Variants in PLA2G4E observed in about 807,000 individuals in gnomAD.
The protein encoded by PLA2G4E is cytosolic phospholipase A2 epsilon.
PLA2G4E carries 84 observed loss-of-function variants against 109.1 expected under a neutral mutation model. The ratio of observed to expected loss-of-function variants is 0.77; its 90% CI spans 0.65 to 0.92. PLA2G4E has a LOEUF of 0.92. Among genes scored for constraint, PLA2G4E ranks in the 40% least tolerant of loss-of-function variants. PLA2G4E has a pLI of 0.00. For missense variants in PLA2G4E, 1,057 were observed against 1,076.6 expected, an observed-to-expected ratio of 0.98 and a Z score of 0.25; for synonymous variants, 469 against 436.1, an observed-to-expected ratio of 1.08 and a Z score of -0.94.
At chr15:42,033,092 G>A (rs892400245) in intron 1 of PLA2G4E, among the ~76,000 whole-genome samples, 2 of 152,188 alleles carry the variant, frequency 1.3e-5, no homozygotes, top group African/African-American at 4.8e-5. Flanking sequence ...AATATATTGT[G>A]TGAGTGTGTG....
At chr15:42,026,982 A>AAAAAAG (rs1555388258) in intron 1 of PLA2G4E, among the ~76,000 whole-genome samples, 75 of 151,312 alleles carry the variant, frequency 5.0e-4, no homozygotes, top group African/African-American at 1.8e-3. Flanking sequence ...CAAAAAAAAA[A>AAAAAAG]AAAGAAAGAA....
intron 1 of PLA2G4E, among the ~76,000 whole-genome samples, chr15:42,041,572 T>G (rs1203955823): frequency 6.6e-6 from 1 of 152,016 alleles, no homozygotes; most frequent in Non-Finnish European, 1.5e-5. Flanking sequence ...TAAAGAGACC[T>G]CCCCAGGAGA....
At chr15:42,012,241 T>C (rs534863460) in intron 2 of PLA2G4E, among the ~76,000 whole-genome samples, 1 of 152,278 alleles carries the variant, frequency 6.6e-6, no homozygotes, top group Admixed American at 6.5e-5. Context: ...TAGCACAAGC[T>C]GCATACAAGG....
At chr15:42,007,965 T>G (rs2068494490) in intron 2 of PLA2G4E, 100 bp from the exon 3 acceptor site, 1 of 1,299,966 alleles carries the variant, frequency 7.7e-7, no homozygotes, top group Non-Finnish European at 1.1e-6. Flanking sequence ...AGGCCCCATC[T>G]CAGCTCCAGT....
At chr15:42,010,132 G>GCCGCCC (rs1555386987) in intron 2 of PLA2G4E, 1 of 417,168 alleles carries the variant, frequency 2.4e-6, no homozygotes, top group South Asian at 2.0e-5. Context: ...CAGAACACTG[G>GCCGCCC]CCCCCCCACC....
chr15:42,003,579 T>C (rs2068442451), intron 5 of PLA2G4E, among the ~76,000 whole-genome samples: 1 of 152,268 alleles, frequency 6.6e-6, no homozygotes, highest in Non-Finnish European at 1.5e-5. Context: ...GGGGAGAGCT[T>C]CGATTTTCTT....
At chr15:41,990,223 T>G (rs1227109756) in exon 14 of PLA2G4E, 1 of 1,613,468 alleles carries the variant, frequency 6.2e-7, no homozygotes, top group African/African-American at 1.3e-5. Flanking sequence ...TCTGACAGTT[T>G]GCATTCATTT....
At chr15:42,037,448 C>G (rs1437131909) in intron 1 of PLA2G4E, among the ~76,000 whole-genome samples, 1 of 152,190 alleles carries the variant, frequency 6.6e-6, no homozygotes, top group African/African-American at 2.4e-5. Flanking sequence ...GTAGGGACGC[C>G]CTGGCTGGGA....
intron 5 of PLA2G4E, among the ~76,000 whole-genome samples, chr15:42,004,616 C>T (rs566053250): frequency 3.9e-5 from 6 of 152,298 alleles, no homozygotes; most frequent in African/African-American, 9.6e-5. Flanking sequence ...AGGCCCCCAT[C>T]GCCATGGTGG....
chr15:42,010,617 T>C (rs1476327510), intron 2 of PLA2G4E, among the ~76,000 whole-genome samples: 1 of 152,210 alleles, frequency 6.6e-6, no homozygotes, highest in Non-Finnish European at 1.5e-5. Flanking sequence ...CTGAATGACA[T>C]GTCTCCTTTC....
intron 1 of PLA2G4E, among the ~76,000 whole-genome samples, chr15:42,043,333 C>T (rs1024765617): frequency 2.6e-5 from 4 of 152,016 alleles, no homozygotes; most frequent in Non-Finnish European, 5.9e-5. Context: ...CAGGGAAGGG[C>T]CAGCCTGGCC....
intron 2 of PLA2G4E, among the ~76,000 whole-genome samples, chr15:42,009,297 T>C (rs772662251): frequency 9.3e-4 from 141 of 152,200 alleles, no homozygotes; most frequent in Non-Finnish European, 5.1e-4. Flanking sequence ...CATCCTTGAC[T>C]CTCACATTCA....
intron 1 of PLA2G4E, among the ~76,000 whole-genome samples, chr15:42,029,009 G>C (rs939351777): frequency 2.0e-5 from 3 of 152,136 alleles, no homozygotes; most frequent in African/African-American, 7.2e-5. Flanking sequence ...TGTATTCTTA[G>C]TGTCATCAAT....
At chr15:42,023,599 G>A (rs186617578) in intron 1 of PLA2G4E, among the ~76,000 whole-genome samples, 7 of 152,178 alleles carry the variant, frequency 4.6e-5, no homozygotes, top group Admixed American at 4.6e-4. Flanking sequence ...AGGAGTTTCT[G>A]TGGCAACTCA....
At chr15:42,025,695 T>C (rs1268959172) in intron 1 of PLA2G4E, among the ~76,000 whole-genome samples, 2 of 152,170 alleles carry the variant, frequency 1.3e-5, no homozygotes, top group Non-Finnish European at 2.9e-5. Flanking sequence ...TGGCTGCTTG[T>C]AGTTAGAAGA....
At chr15:42,014,784 C>T (rs1176216776) in intron 1 of PLA2G4E, among the ~76,000 whole-genome samples, 1 of 152,192 alleles carries the variant, frequency 6.6e-6, no homozygotes, top group Non-Finnish European at 1.5e-5. Flanking sequence ...CGCAAGAGGT[C>T]CTTGTGGAGT....
intron 2 of PLA2G4E, chr15:42,009,767 T>C (rs2068514076): frequency 6.0e-6 from 1 of 166,898 alleles, no homozygotes; most frequent in African/African-American, 2.4e-5. Flanking sequence ...CAAAACTGCC[T>C]TTGCACATGT....
At chr15:42,046,509 T>C (rs949912856) in intron 1 of PLA2G4E, among the ~76,000 whole-genome samples, 3 of 152,242 alleles carry the variant, frequency 2.0e-5, no homozygotes, top group African/African-American at 7.2e-5. Flanking sequence ...CTTCTCATCA[T>C]TCGGATCTTA....
chr15:42,010,132 G>GCACCCCC (rs1555386988), intron 2 of PLA2G4E: 2 of 428,674 alleles, frequency 4.7e-6, no homozygotes, highest in African/African-American at 2.9e-5. Context: ...CAGAACACTG[G>GCACCCCC]CCCCCCCACC....
Sources: allele counts gnomAD v4.1 joint callset (sites outside exome capture counted in the v4.1 genomes callset), GRCh38; gene constraint gnomAD v4.1.1; transcripts MANE v1.5; gene names NCBI Gene and HGNC (gene_info 2026-07-23, HGNC 2026-07-21).